CDH9: variants seen among roughly 807,000 people sequenced by gnomAD.
CDH9 encodes cadherin 9.
In CDH9, 28 loss-of-function variants were observed where a neutral mutation model predicts 70.9. The observed-to-expected ratio is 0.40, with a 90% confidence interval of 0.29 to 0.54. The LOEUF (loss-of-function observed/expected upper bound fraction) is 0.54, where lower values mean the gene tolerates loss of function less well. Ranked by LOEUF, CDH9 falls within the 20% of genes least tolerant of loss-of-function variation. CDH9 has a pLI of 0.59. For missense variants in CDH9, 874 were observed against 984.4 expected (o/e 0.89, Z 1.50); for synonymous variants, 409 against 343.1 (o/e 1.19, Z -2.12).
At chr5:26,966,374 T>C (rs1166383547) in intron 2 of CDH9, among the ~76,000 whole-genome samples, 1 of 152,234 alleles carries the variant, frequency 6.6e-6, no homozygotes, top group Non-Finnish European at 1.5e-5. Flanking sequence ...AATCTCGGCC[T>C]CAACATCTGC....
intron 1 of CDH9, among the ~76,000 whole-genome samples, chr5:26,996,605 G>A (rs1426457477): frequency 1.3e-5 from 2 of 151,730 alleles, no homozygotes; most frequent in African/African-American, 2.4e-5. Flanking sequence ...TAACTTTTGA[G>A]GGATATATGC....
At chr5:26,993,855 T>A (rs1742622803) in intron 1 of CDH9, among the ~76,000 whole-genome samples, 1 of 151,946 alleles carries the variant, frequency 6.6e-6, no homozygotes, top group South Asian at 2.1e-4. Flanking sequence ...AGGGTAGGGG[T>A]GGTCACCCAG....
intron 1 of CDH9, among the ~76,000 whole-genome samples, chr5:27,023,571 A>T (rs1743174952): frequency 6.6e-6 from 1 of 152,006 alleles, no homozygotes; most frequent in South Asian, 2.1e-4. Flanking sequence ...TGTTTGCTGC[A>T]GGGTCACTTT....
chr5:26,964,519 C>T (rs1322349753), intron 2 of CDH9, among the ~76,000 whole-genome samples: 1 of 152,092 alleles, frequency 6.6e-6, no homozygotes, highest in Non-Finnish European at 1.5e-5. Context: ...ACCAACCAAC[C>T]TATATGCAGT....
chr5:27,023,622 A>G (rs1031468817), intron 1 of CDH9, among the ~76,000 whole-genome samples: 1 of 152,052 alleles, frequency 6.6e-6, no homozygotes, highest in Admixed American at 6.6e-5. Flanking sequence ...TACCTGTAAA[A>G]TCAGTCAATT....
In CDH9 at chr5:26,907,961, C is replaced by T. The variant is rs147795876; in HGVS notation, c.524-1123G>A. Among the ~76,000 whole-genome samples, 607 of 152,082 alleles carry T rather than the reference C, an allele frequency of 4.0e-3. 1 individual carries two copies. Among genetic ancestry groups the T allele is most frequent in the African/African-American group, 0.014 (574 of 41,502 alleles). ...TATGGTGGATGTTTCTCAAATGTTG[C>T]GTGTATATGTGTATGCCAATTCCAA... is the stretch of plus-strand genomic sequence containing the variant. On this transcript the variant is annotated intron_variant, in intron 3 of 11. Transcript: ENST00000231021.
Position 26,885,819 on chromosome 5 carries a change from G to T in CDH9, c.1677C>A (p.Asn559Lys). The T allele has an allele frequency of 6.2e-7, 1 of 1,613,754 alleles. No individual in the cohort carries two copies. The highest frequency in any genetic ancestry group is 8.5e-7 in the Non-Finnish European group (1 of 1,179,766). Reference protein sequence around the residue: ...IMTRKDGYSRNKMSTYLLPIL... With the variant: ...IMTRKDGYSRKKMSTYLLPIL... Reference sequence around the variant, plus strand: ...TCGGCAATAAGTAGGTGCTCATTTTGTTGCGACTGTAGCCATCTTTCCGAG... The same window carrying T: ...TCGGCAATAAGTAGGTGCTCATTTTTTTGCGACTGTAGCCATCTTTCCGAG... Residue 559 changes from asparagine (N) to lysine (K), a missense_variant, in exon 11 of 12, where the codon AAC becomes AAA. Physicochemically the swap from Asn to Lys is moderately conservative, Grantham distance 94. Coordinates refer to ENST00000231021, the MANE Select transcript of CDH9 (RefSeq NM_016279.4).
At chr5:26,938,211 T>C (rs1279562603) in intron 2 of CDH9, among the ~76,000 whole-genome samples, 1 of 150,700 alleles carries the variant, frequency 6.6e-6, no homozygotes, top group East Asian at 1.9e-4. Context: ...AAAATCAATG[T>C]AAAAAAGTGA....
intron 2 of CDH9, among the ~76,000 whole-genome samples, chr5:26,957,534 C>A (rs191975045): frequency 2.0e-5 from 3 of 151,840 alleles, no homozygotes; most frequent in East Asian, 1.9e-4. Context: ...TGGAGGTATG[C>A]GCCTGTAATC....
chr5:26,901,517 T>C, intron 7 of CDH9, among the ~76,000 whole-genome samples: 1 of 152,050 alleles, frequency 6.6e-6, no homozygotes, highest in East Asian at 1.9e-4. Context: ...ATATATTTAG[T>C]ATTGTGATTA....
At chr5:26,915,595 T>C in intron 3 of CDH9, 35 bp downstream of exon 3, 1 of 1,241,658 alleles carries the variant, frequency 8.1e-7, no homozygotes, top group Non-Finnish European at 1.2e-6. Context: ...AACAAACAAA[T>C]AAAAAGTAGT....
intron 2 of CDH9, among the ~76,000 whole-genome samples, chr5:26,972,080 C>T (rs1180159453): frequency 2.0e-5 from 3 of 152,108 alleles, no homozygotes; most frequent in Admixed American, 2.0e-4. Flanking sequence ...CGAGCATTTT[C>T]CCTATGCAAG....
chr5:26,968,024 A>G (rs1211089796), intron 2 of CDH9, among the ~76,000 whole-genome samples: 1 of 152,084 alleles, frequency 6.6e-6, no homozygotes, highest in Non-Finnish European at 1.5e-5. Context: ...CTTTTCAAAT[A>G]TCATAATCTT....
At chr5:26,915,965 A>C in intron 2 of CDH9, 41 bp from the exon 3 acceptor site, 1 of 1,337,898 alleles carries the variant, frequency 7.5e-7, no homozygotes. Context: ...AAATATATAC[A>C]TTATCATTAC....
chr5:27,015,521 A>G (rs1743032797), intron 1 of CDH9, among the ~76,000 whole-genome samples: 1 of 151,804 alleles, frequency 6.6e-6, no homozygotes, highest in African/African-American at 2.4e-5. Flanking sequence ...AAGCAGCATC[A>G]TTAGTCATTA....
At chr5:27,008,641 C>T (rs1204774175) in intron 1 of CDH9, among the ~76,000 whole-genome samples, 3 of 151,776 alleles carry the variant, frequency 2.0e-5, no homozygotes, top group East Asian at 1.9e-4. Flanking sequence ...GTGCATTTAC[C>T]CAGAAAACTA....
intron 7 of CDH9, among the ~76,000 whole-genome samples, chr5:26,896,185 C>A (rs1180241527): frequency 1.3e-5 from 2 of 151,886 alleles, no homozygotes; most frequent in Non-Finnish European, 2.9e-5. Flanking sequence ...TCCGGATGAC[C>A]TTTAAACTGA....
chr5:26,912,163 G>T (rs1451831303), intron 3 of CDH9, among the ~76,000 whole-genome samples: 2 of 151,906 alleles, frequency 1.3e-5, no homozygotes, highest in Non-Finnish European at 2.9e-5. Flanking sequence ...TGTACTATCT[G>T]AAAATAATTT....
At chr5:26,997,243 A>T (rs1742681820) in intron 1 of CDH9, among the ~76,000 whole-genome samples, 1 of 152,050 alleles carries the variant, frequency 6.6e-6, no homozygotes, top group African/African-American at 2.4e-5. Flanking sequence ...GTTTTCTGAG[A>T]TGCATATGTG....
Sources: gnomAD v4.1 joint callset for allele counts (sites outside exome capture counted in the v4.1 genomes callset) on GRCh38, gnomAD v4.1.1 for gene constraint, MANE v1.5 for transcripts, NCBI Gene and HGNC (gene_info 2026-07-23, HGNC 2026-07-21) for gene names.